Variants in ZMAT4 observed in about 807,000 individuals in gnomAD.
The protein encoded by ZMAT4 is zinc finger matrin-type protein 4.
ZMAT4 carries 17 observed loss-of-function variants against 28.7 expected under a neutral mutation model. The observed-to-expected ratio is 0.59, with a 90% CI of 0.41 to 0.89. ZMAT4 has a LOEUF of 0.89. Ranked by LOEUF, ZMAT4 falls within the 40% of genes least tolerant of loss-of-function variation. ZMAT4 has a pLI of 0.00. For missense variants in ZMAT4, 240 were observed against 283.8 expected (o/e 0.85, Z 1.11); for synonymous variants, 117 against 109.2 (o/e 1.07, Z -0.44).
intron 5 of ZMAT4, among the ~76,000 whole-genome samples, chr8:40,656,248 T>C (rs1181604380): frequency 1.3e-5 from 2 of 152,114 alleles, no homozygotes; most frequent in Non-Finnish European, 2.9e-5. Context: ...CCACAGTGAC[T>C]TACTATGTCA....
intron 4 of ZMAT4, among the ~76,000 whole-genome samples, chr8:40,689,139 G>A (rs1325269644): frequency 6.6e-6 from 1 of 152,236 alleles, no homozygotes; most frequent in African/African-American, 2.4e-5. Flanking sequence ...GGTTGAAACG[G>A]AGGAGACTTG....
chr8:40,670,912 C>A (rs751769689), intron 5 of ZMAT4, among the ~76,000 whole-genome samples: 1 of 151,842 alleles, frequency 6.6e-6, no homozygotes, highest in African/African-American at 2.4e-5. Context: ...ACTAAAAATA[C>A]GAAAATTAGC....
Position 40,877,017 on chromosome 8 carries a change from A to C in ZMAT4, c.-5+20666T>G, listed in dbSNP as rs868542437. Reference sequence around the variant, plus strand: ...TCAGAATGCAACTTTATTTAGAAAGAAGGTCTTGACCCAGGTGTCAAATTA... The same window carrying C: ...TCAGAATGCAACTTTATTTAGAAAGCAGGTCTTGACCCAGGTGTCAAATTA... On this transcript the variant is annotated intron_variant, in intron 1 of 6. Transcript: ENST00000297737. 5.9e-5 allele frequency among the ~76,000 whole-genome samples: 9 copies of C among 152,356 alleles called. No individual in the cohort carries two copies. The South Asian group carries it at 1.9e-3, about 32-fold the overall frequency.
At chr8:40,765,154 G>T (rs1813097658) in intron 3 of ZMAT4, among the ~76,000 whole-genome samples, 1 of 152,068 alleles carries the variant, frequency 6.6e-6, no homozygotes, top group Admixed American at 6.5e-5. Flanking sequence ...AGTCATCCCT[G>T]GCCCCGGACC....
intron 1 of ZMAT4, among the ~76,000 whole-genome samples, chr8:40,839,971 T>C (rs1177310837): frequency 6.6e-6 from 1 of 152,254 alleles, no homozygotes; most frequent in African/African-American, 2.4e-5. Context: ...CAGTAATTCC[T>C]ATTTCCCACC....
At chr8:40,549,503 C>T (rs1039088194) in intron 6 of ZMAT4, among the ~76,000 whole-genome samples, 11 of 152,118 alleles carry the variant, frequency 7.2e-5, no homozygotes, top group Non-Finnish European at 1.2e-4. Context: ...AAACCAGTGT[C>T]GCTTCATGCA....
intron 5 of ZMAT4, among the ~76,000 whole-genome samples, chr8:40,661,251 C>G (rs1031956694): frequency 2.0e-5 from 3 of 152,130 alleles, no homozygotes; most frequent in Non-Finnish European, 2.9e-5. Flanking sequence ...TAGACATGCA[C>G]ACTATACCCG....
At chr8:40,658,655 C>A (rs1345390465) in intron 5 of ZMAT4, among the ~76,000 whole-genome samples, 1 of 144,728 alleles carries the variant, frequency 6.9e-6, no homozygotes, top group African/African-American at 2.5e-5. Flanking sequence ...CACACACACA[C>A]ACACACACAA....
chr8:40,693,655 A>T (rs1466427039), intron 4 of ZMAT4, among the ~76,000 whole-genome samples: 5 of 152,234 alleles, frequency 3.3e-5, no homozygotes, highest in African/African-American at 1.2e-4. Flanking sequence ...GACCTGGATC[A>T]TCCCTGTTAT....
chr8:40,734,609 G>A (rs927650676), intron 3 of ZMAT4, among the ~76,000 whole-genome samples: 4 of 152,184 alleles, frequency 2.6e-5, no homozygotes, highest in Middle Eastern at 3.4e-3. Flanking sequence ...GTAATCACCC[G>A]TCTCTCATTA....
At chr8:40,631,979 T>C (rs1806601610) in intron 5 of ZMAT4, among the ~76,000 whole-genome samples, 1 of 152,208 alleles carries the variant, frequency 6.6e-6, no homozygotes, top group African/African-American at 2.4e-5. Context: ...AAGAGCTAAG[T>C]GATTTCTTTC....
At chr8:40,679,549 G>T (rs981173161) in intron 4 of ZMAT4, among the ~76,000 whole-genome samples, 2 of 152,104 alleles carry the variant, frequency 1.3e-5, no homozygotes, top group Admixed American at 1.3e-4. Flanking sequence ...GGACGGGAAG[G>T]CCCCTTATAA....
At chr8:40,779,916 G>A (rs888843409) in intron 2 of ZMAT4, among the ~76,000 whole-genome samples, 1 of 152,144 alleles carries the variant, frequency 6.6e-6, no homozygotes, top group Non-Finnish European at 1.5e-5. Flanking sequence ...AGGCTGAGAG[G>A]TGTGGAGCAT....
At chr8:40,671,350 C>T (rs117229937) in intron 5 of ZMAT4, among the ~76,000 whole-genome samples, 2,960 of 151,218 alleles carry the variant, frequency 0.02, 234 homozygotes, top group Admixed American at 0.14. Context: ...ATATGTTGAC[C>T]AAAAAAAAGT....
chr8:40,630,393 G>A (rs761960674), intron 5 of ZMAT4, among the ~76,000 whole-genome samples: 19 of 152,208 alleles, frequency 1.2e-4, no homozygotes, highest in Admixed American at 1.2e-3. Flanking sequence ...TATATCCTAT[G>A]TGGAAGATAG....
chr8:40,844,837 A>G (rs906219143), intron 1 of ZMAT4, among the ~76,000 whole-genome samples: 2 of 152,168 alleles, frequency 1.3e-5, no homozygotes, highest in Non-Finnish European at 2.9e-5. Flanking sequence ...TGGCAGATGA[A>G]GAAACTGAGG....
intron 6 of ZMAT4, among the ~76,000 whole-genome samples, chr8:40,534,560 T>C (rs1802787918): frequency 6.6e-6 from 1 of 152,166 alleles, no homozygotes; most frequent in South Asian, 2.1e-4. Context: ...AGAGAGAATT[T>C]CAATTGCGCC....
At chr8:40,893,357 G>A (rs537319427) in intron 1 of ZMAT4, among the ~76,000 whole-genome samples, 1 of 152,328 alleles carries the variant, frequency 6.6e-6, no homozygotes, top group East Asian at 1.9e-4. Context: ...GCGGAAAGGA[G>A]CCTGTGAGAA....
intron 1 of ZMAT4, among the ~76,000 whole-genome samples, chr8:40,881,435 GAA>G (rs1491404271): frequency 0.069 from 3,407 of 49,276 alleles, 222 homozygotes; most frequent in African/African-American, 0.18. Context: ...AAGAAAGAGA[GAA>G]AGAAAGAAAG....
Sources: allele counts gnomAD v4.1 joint callset (sites outside exome capture counted in the v4.1 genomes callset), GRCh38; gene constraint gnomAD v4.1.1; transcripts MANE v1.5; gene names NCBI Gene and HGNC (gene_info 2026-07-23, HGNC 2026-07-21).